Variants in SAMD8 observed in about 807,000 individuals in gnomAD.
SAMD8 encodes the protein sphingomyelin synthase-related protein 1.
In SAMD8, 20 loss-of-function variants were observed where a neutral mutation model predicts 42.0. The ratio of observed to expected loss-of-function variants is 0.48; its 90% CI spans 0.34 to 0.69. The LOEUF (loss-of-function observed/expected upper bound fraction) is 0.69. Among genes scored for constraint, SAMD8 ranks in the 30% least tolerant of loss-of-function variants. SAMD8 has a pLI of 0.01. For synonymous variants in SAMD8, 162 were observed against 173.0 expected (o/e 0.94, Z 0.50); for missense variants, 328 against 511.6 (o/e 0.64, Z 3.46).
chr10:75,141,597 A>G (rs1210357010), intron 1 of SAMD8, among the ~76,000 whole-genome samples: 1 of 143,928 alleles, frequency 6.9e-6, no homozygotes, highest in Non-Finnish European at 1.5e-5. Context: ...GCTGGAGTTC[A>G]GTGGTGCGAT....
At chr10:75,102,888 G>T (rs944548423) in intron 1 of SAMD8, among the ~76,000 whole-genome samples, 1 of 152,072 alleles carries the variant, frequency 6.6e-6, no homozygotes, top group Admixed American at 6.6e-5. Context: ...GGAGGTGGGG[G>T]TTGTAGTGAG....
chr10:75,102,053 T>C (rs1216942626), intron 1 of SAMD8: 11 of 988,356 alleles, frequency 1.1e-5, no homozygotes, highest in Non-Finnish European at 1.6e-5. Flanking sequence ...ACTGGTTCCA[T>C]GGCATGGCCA....
intron 1 of SAMD8, among the ~76,000 whole-genome samples, chr10:75,112,747 A>T (rs1848803461): frequency 6.6e-6 from 1 of 152,216 alleles, no homozygotes; most frequent in Non-Finnish European, 1.5e-5. Flanking sequence ...GACTTTGGAT[A>T]CTCAGATTTT....
At chr10:75,103,954 G>A in intron 1 of SAMD8, 1 of 1,326,202 alleles carries the variant, frequency 7.5e-7, no homozygotes, top group Non-Finnish European at 1.0e-6. Context: ...GCCAGATGGA[G>A]TAGCAGGCTC....
At chr10:75,101,708 CTACTA>C (rs1357759687) in intron 1 of SAMD8, among the ~76,000 whole-genome samples, 1 of 152,190 alleles carries the variant, frequency 6.6e-6, no homozygotes, top group Non-Finnish European at 1.5e-5. Flanking sequence ...CTCTCTGACT[CTACTA>C]TACCTTGTCT....
intron 4 of SAMD8, among the ~76,000 whole-genome samples, chr10:75,171,389 G>A (rs1007315262): frequency 2.0e-5 from 3 of 150,960 alleles, no homozygotes; most frequent in African/African-American, 7.3e-5. Flanking sequence ...GGATGGTCTC[G>A]ATCTCCTGAC....
At chr10:75,160,607 G>T (rs554519358) in intron 2 of SAMD8, among the ~76,000 whole-genome samples, 16 of 152,220 alleles carry the variant, frequency 1.1e-4, no homozygotes, top group African/African-American at 3.9e-4. Flanking sequence ...CATTTGACAG[G>T]TTCCTCACAA....
chr10:75,112,741 T>G (rs1161869299), intron 1 of SAMD8, among the ~76,000 whole-genome samples: 7 of 152,226 alleles, frequency 4.6e-5, no homozygotes, highest in Non-Finnish European at 8.8e-5. Flanking sequence ...AAACAAGACT[T>G]TGGATACTCA....
At chr10:75,144,719 G>A (rs555382602) in intron 1 of SAMD8, among the ~76,000 whole-genome samples, 2 of 151,766 alleles carry the variant, frequency 1.3e-5, no homozygotes, top group Non-Finnish European at 2.9e-5. Context: ...GTGCAGTGGC[G>A]CGATCTCAGT....
rs764018417 is a variant in SAMD8 at position 75,176,328 on chromosome 10, G to A, written c.944-60G>A. 1.1e-5 allele frequency: 17 copies of A among 1,595,390 alleles called. No individual in the cohort carries two copies. Among genetic ancestry groups the A allele is most frequent in the East Asian group, 4.5e-5 (2 of 44,766 alleles). ...GGCAAAACAGCCTGACCTGAGAAAC[G>A]TGACTGAGAAGCATTGGAAGGAATG... On this transcript the variant is annotated intron_variant, in intron 5 of 5. Transcript: ENST00000542569. The surrounding 1 kb of genome is among the most constrained non-coding windows in gnomAD (Gnocchi z 4.3).
chr10:75,109,136 C>G (rs1848700103), upstream of SAMD8: 1 of 1,602,934 alleles, frequency 6.2e-7, no homozygotes, highest in Non-Finnish European at 8.5e-7. Flanking sequence ...CCCCCCAGCT[C>G]TGGGAGAGAG....
chr10:75,171,996 A>C (rs1245538675), intron 4 of SAMD8, among the ~76,000 whole-genome samples: 1 of 151,554 alleles, frequency 6.6e-6, no homozygotes. Context: ...ACTGCACTCC[A>C]GCCTGGGTGA....
intron 1 of SAMD8, among the ~76,000 whole-genome samples, chr10:75,144,228 A>G (rs916729300): frequency 6.6e-6 from 1 of 152,108 alleles, no homozygotes; most frequent in Non-Finnish European, 1.5e-5. Flanking sequence ...CGGCCTCCCA[A>G]AGTGCTGGGA....
intron 2 of SAMD8, among the ~76,000 whole-genome samples, chr10:75,152,520 TC>T (rs1840313886): frequency 9.7e-6 from 1 of 103,484 alleles, no homozygotes; most frequent in African/African-American, 3.9e-5. Context: ...AGACTCCGTC[TC>T]AAAAAAAAAA....
At position 75,181,814 on chromosome 10, in the gene SAMD8, A is replaced by G. The variant is rs1745781668; in HGVS notation, c.*5122A>G. 1 of 152,226 alleles carries G rather than the reference A, an allele frequency of 6.6e-6. No homozygotes were observed. Among genetic ancestry groups the G allele is most frequent in the Non-Finnish European group, 1.5e-5 (1 of 68,040 alleles). 9.4% of individuals were successfully genotyped at this position (152,226 alleles called of 1,614,324 possible). Reference sequence around the variant, plus strand: ...GGATCTATGTATTATTAGAAAAATGAAGTATTTCTGACATGGAACAAAGAA... The same window carrying G: ...GGATCTATGTATTATTAGAAAAATGGAGTATTTCTGACATGGAACAAAGAA... On this transcript the variant is annotated 3_prime_UTR_variant, in exon 6 of 6. Coordinates refer to ENST00000542569, the MANE Select transcript of SAMD8 (RefSeq NM_001174156.2).
In SAMD8 at chr10:75,178,522, A is replaced by G. The variant is rs1346610153; in HGVS notation, c.*1830A>G. On this transcript the variant is annotated 3_prime_UTR_variant, in exon 6 of 6. Transcript: ENST00000542569. Reference sequence around the variant, plus strand: ...ACTGAATTTAGCTAGGGAGGCAGTGATGTTGGCTTTTGGGAAAGGGTTCAA... The same window carrying G: ...ACTGAATTTAGCTAGGGAGGCAGTGGTGTTGGCTTTTGGGAAAGGGTTCAA... 1 of 100,554 alleles carries G rather than the reference A, an allele frequency of 9.9e-6. No individual in the cohort carries two copies. The highest frequency in any genetic ancestry group is 2.0e-5 in the Non-Finnish European group (1 of 48,988). 6.2% of individuals were successfully genotyped at this position (100,554 alleles called of 1,614,324 possible).
chr10:75,175,912 G>T, intron 4 of SAMD8, 154 bp from the exon 5 acceptor site: 3 of 985,306 alleles, frequency 3.0e-6, no homozygotes, highest in Non-Finnish European at 3.6e-6. Flanking sequence ...CATTCTTGAA[G>T]TCTGGCTGGA....
intron 1 of SAMD8, chr10:75,101,784 C>T (rs1207460297): frequency 3.4e-6 from 3 of 869,952 alleles, no homozygotes; most frequent in Non-Finnish European, 5.2e-6. Context: ...CCTCCCCACA[C>T]AGGCACAAGT....
chr10:75,105,279 C>T (rs905873971), intron 1 of SAMD8, among the ~76,000 whole-genome samples: 1 of 152,148 alleles, frequency 6.6e-6, no homozygotes, highest in African/African-American at 2.4e-5. Context: ...AGGGGAGCCC[C>T]CACAGGCTTT....
Sources: gnomAD v4.1 joint callset for allele counts (sites outside exome capture counted in the v4.1 genomes callset) on GRCh38, gnomAD v4.1.1 for gene constraint, Gnocchi (gnomAD v3.1) non-coding constraint, MANE v1.5 for transcripts, NCBI Gene and HGNC (gene_info 2026-07-23, HGNC 2026-07-21) for gene names.